SCFD1: variants seen among roughly 807,000 people sequenced by gnomAD.
SCFD1 encodes sec1 family domain containing 1, also known as sec1 family domain-containing protein 1.
A neutral mutation model predicts 103.2 loss-of-function variants in SCFD1; 37 were observed. That is an observed-to-expected ratio of 0.36 (90% CI 0.28 to 0.47). The LOEUF is 0.47. Ranked by LOEUF, SCFD1 falls within the 20% of genes least tolerant of loss-of-function variation. The pLI, the probability that SCFD1 is intolerant of heterozygous loss-of-function variation, is 1.00. For synonymous variants in SCFD1, 264 were observed against 245.0 expected, an observed-to-expected ratio of 1.08 and a Z score of -0.73; for missense variants, 639 against 761.2, an observed-to-expected ratio of 0.84 and a Z score of 1.89.
intron 10 of SCFD1, 165 bp downstream of exon 10, chr14:30,653,753 G>A: frequency 2.2e-6 from 1 of 460,794 alleles, no homozygotes; most frequent in East Asian, 3.4e-5. Flanking sequence ...TGTGGATGCT[G>A]GAAAATGTGA....
chr14:30,679,010 C>CTTTTTA (rs1354081256), intron 14 of SCFD1, among the ~76,000 whole-genome samples: 1 of 152,098 alleles, frequency 6.6e-6, no homozygotes. Context: ...TGAGGACTGA[C>CTTTTTA]TTTTTATTTT....
At chr14:30,636,853 A>AT (rs760136167) in intron 4 of SCFD1, among the ~76,000 whole-genome samples, 9 of 151,972 alleles carry the variant, frequency 5.9e-5, no homozygotes, top group Admixed American at 2.0e-4. Context: ...AATTCAATTG[A>AT]TTTTTATGTA....
chr14:30,629,334 A>G (rs945952556), intron 2 of SCFD1, among the ~76,000 whole-genome samples: 27 of 152,238 alleles, frequency 1.8e-4, no homozygotes, highest in African/African-American at 6.5e-4. Flanking sequence ...ATGTGTTTTC[A>G]TAACAACATG....
rs144364083 is a variant in SCFD1, at chr14:30,632,474, G to A, written c.222-1473G>A. Among the ~76,000 whole-genome samples, 228 of 152,118 alleles carry A rather than the reference G, an allele frequency of 1.5e-3. 1 individual carries two copies. Among genetic ancestry groups the A allele is most frequent in the African/African-American group, 4.7e-3 (197 of 41,510 alleles). On this transcript the variant is annotated intron_variant, in intron 3 of 24. Transcript: ENST00000458591. ...ATTTTAAAAATTATGTTTTAAAATT[G>A]TTACCACCTTGGGTTTCATGAAATA...
chr14:30,673,294 C>T lies in SCFD1; in HGVS notation c.1033C>T (p.Leu345=). 1 of 1,599,426 alleles carries T rather than the reference C, an allele frequency of 6.3e-7. No homozygotes were observed. Among genetic ancestry groups the T allele is most frequent in the Non-Finnish European group, 8.5e-7 (1 of 1,171,218 alleles). The change falls in exon 12 of 25, where the codon CTA becomes TTA. Residue 345 remains leucine (L), a synonymous_variant. Coordinates refer to ENST00000458591, the MANE Select transcript of SCFD1 (RefSeq NM_016106.4). The part of the protein sequence containing the change: ...PEVAESVQQE[L]ESYRAQEDEV... The stretch of plus-strand genomic sequence containing the variant: ...AGTTGCAGAATCAGTTCAGCAAGAA[C>T]TAGAATCTTACAGAGCACAGGAAGA...
intron 16 of SCFD1, 32 bp from the exon 17 acceptor site, chr14:30,702,264 T>A (rs1891130820): frequency 7.1e-7 from 1 of 1,405,378 alleles, no homozygotes; most frequent in Non-Finnish European, 9.8e-7. Flanking sequence ...GAAAGTAAAA[T>A]TTTTTGTCAT....
Position 30,633,955 on chromosome 14 carries a change from A to G in SCFD1, c.230A>G (p.His77Arg). The G allele has an allele frequency of 6.3e-7, 1 of 1,581,732 alleles. No individual in the cohort carries two copies. The highest frequency in any genetic ancestry group is 8.6e-7 in the Non-Finnish European group (1 of 1,160,694). Residue 77 changes from histidine (H) to arginine (R), a missense_variant, in exon 4 of 25, where the codon CAC (histidine) becomes CGC (arginine). Physicochemically the swap from His to Arg is conservative, Grantham distance 29. Coordinates refer to ENST00000458591, the MANE Select transcript of SCFD1 (RefSeq NM_016106.4). The part of the protein sequence containing the change: ...DMGITLHLLL[H>R]SDRDPIPDVP... Reference sequence around the variant, plus strand: ...TTCCTTATGTCTTCTAGGCTTTTACACTCTGATCGAGATCCTATTCCAGAT... The same window carrying G: ...TTCCTTATGTCTTCTAGGCTTTTACGCTCTGATCGAGATCCTATTCCAGAT...
chr14:30,702,247 CT>C lies in SCFD1; in HGVS notation c.1411-46del, dbSNP rs768518979. On this transcript the variant is annotated intron_variant, in intron 16 of 24. Coordinates refer to ENST00000458591, the MANE Select transcript of SCFD1 (RefSeq NM_016106.4). ...TTAATCAAATGGCAACAAATAACAT[CT>C]TTCTTGAAAGTAAAATTTTTTGTCA... 7.3e-6 allele frequency: 9 copies of C among 1,229,654 alleles called. No individual in the cohort carries two copies. The Admixed American group carries it at 8.5e-5, about 12-fold the overall frequency. The allele number at this position is 1,229,654 out of a possible 1,614,324, so 76.2% of individuals were successfully genotyped here.
At chr14:30,656,771 G>T (rs1374619514) in intron 10 of SCFD1, among the ~76,000 whole-genome samples, 1 of 152,100 alleles carries the variant, frequency 6.6e-6, no homozygotes, top group Non-Finnish European at 1.5e-5. Flanking sequence ...CATTTGAGAA[G>T]GCTCCAGGGG....
At chr14:30,703,910 CATATATATATATATAT>C (rs71443380) in intron 17 of SCFD1, among the ~76,000 whole-genome samples, 211 of 39,542 alleles carry the variant, frequency 5.3e-3, no homozygotes, top group South Asian at 0.015. Flanking sequence ...GGAATATTTG[CATATATATATATATAT>C]ATATATATAT....
chr14:30,705,773 A>G (rs1330754708), intron 17 of SCFD1, 50 bp from the exon 18 acceptor site: 9 of 1,371,720 alleles, frequency 6.6e-6, no homozygotes, highest in Non-Finnish European at 9.4e-6. Context: ...CGTGACACCC[A>G]GAGTTAGTTC....
At chr14:30,679,434 G>A (rs1158829345) in intron 14 of SCFD1, among the ~76,000 whole-genome samples, 2 of 152,014 alleles carry the variant, frequency 1.3e-5, no homozygotes, top group African/African-American at 4.8e-5. Context: ...AGAAAATACT[G>A]TATTTTACGG....
intron 11 of SCFD1, among the ~76,000 whole-genome samples, chr14:30,672,031 AAG>A (rs1424124023): frequency 1.3e-5 from 2 of 149,122 alleles, no homozygotes; most frequent in African/African-American, 4.9e-5. Flanking sequence ...AAAAAAAAGA[AAG>A]AAAAGATAAA....
intron 6 of SCFD1, among the ~76,000 whole-genome samples, chr14:30,640,698 C>T (rs757518392): frequency 6.6e-6 from 1 of 151,686 alleles, no homozygotes; most frequent in Non-Finnish European, 1.5e-5. Context: ...TTTTTAGGTA[C>T]TGTACTTCAT....
intron 23 of SCFD1, among the ~76,000 whole-genome samples, chr14:30,731,534 G>T (rs1893468126): frequency 6.6e-6 from 1 of 152,158 alleles, no homozygotes; most frequent in Admixed American, 6.5e-5. Context: ...TCGTTGAGCA[G>T]TGGTTTGTAG....
rs776947049 is a variant in SCFD1 at position 30,694,889 on chromosome 14, G to A, written c.1339+20G>A. ...CTGATGGTATGTACCAAAAATTTGA[G>A]GTTAATGTAAGTTTCATATCTGACG... On this transcript the variant is annotated intron_variant, in intron 15 of 24. Coordinates refer to ENST00000458591, the MANE Select transcript of SCFD1 (RefSeq NM_016106.4). The A allele has an allele frequency of 2.5e-5, 39 of 1,573,278 alleles. No homozygotes were observed. The highest frequency in any genetic ancestry group is 1.7e-4 in the Middle Eastern group (1 of 5,966).
chr14:30,692,358 GTTA>G (rs1361177877), intron 14 of SCFD1, among the ~76,000 whole-genome samples: 2 of 152,118 alleles, frequency 1.3e-5, no homozygotes, highest in East Asian at 1.9e-4. Flanking sequence ...TGTGATCTTT[GTTA>G]TTATGATGAG....
chr14:30,642,516 C>T (rs1303874063), intron 6 of SCFD1, among the ~76,000 whole-genome samples: 1 of 152,118 alleles, frequency 6.6e-6, no homozygotes, highest in African/African-American at 2.4e-5. Context: ...GATTCTTATA[C>T]TCAGTAAAGT....
chr14:30,660,238 G>A (rs1010795316), intron 10 of SCFD1, among the ~76,000 whole-genome samples: 1 of 151,974 alleles, frequency 6.6e-6, no homozygotes, highest in African/African-American at 2.4e-5. Context: ...TTTTTCTATA[G>A]AATTTCCTAC....
Sources: allele counts gnomAD v4.1 joint callset (sites outside exome capture counted in the v4.1 genomes callset), GRCh38; gene constraint gnomAD v4.1.1; transcripts MANE v1.5; gene names NCBI Gene and HGNC (gene_info 2026-07-23, HGNC 2026-07-21).